The following NTNG1 variants were observed in gnomAD, a reference collection of about 807,000 sequenced individuals.
NTNG1 encodes netrin-G1.
A neutral mutation model predicts 54.0 loss-of-function variants in NTNG1; 16 were observed. The observed-to-expected ratio is 0.30, with a 90% CI of 0.20 to 0.45. The LOEUF is 0.45. Among genes scored for constraint, NTNG1 ranks in the 20% least tolerant of loss-of-function variants. The probability of loss-of-function intolerance (pLI) is 1.00; values close to 1 mark genes in which losing one functional copy is unlikely to be tolerated. For synonymous variants in NTNG1, 255 were observed against 263.1 expected (o/e 0.97, Z 0.30); for missense variants, 530 against 678.7 (o/e 0.78, Z 2.43).
At position 107,230,628 on chromosome 1, in the gene NTNG1, T is replaced by C. The variant is rs148741569; in HGVS notation, c.246+81789T>C. Among the ~76,000 whole-genome samples, 60 of 152,324 alleles carry C rather than the reference T, an allele frequency of 3.9e-4. No homozygotes were observed. The East Asian group carries it at 0.011, about 28-fold the overall frequency. ...CTTGTTTTCCTTTTGATTCTTGACC[T>C]TAGGTATGGTTTTCTATATTTAAGA... On this transcript the variant is annotated intron_variant, in intron 2 of 7. Coordinates refer to ENST00000370068, the MANE Select transcript of NTNG1 (RefSeq NM_001113226.3).
At chr1:107,295,003 C>T (rs1226919835) in intron 2 of NTNG1, among the ~76,000 whole-genome samples, 1 of 152,138 alleles carries the variant, frequency 6.6e-6, no homozygotes, top group Admixed American at 6.6e-5. Flanking sequence ...TTTTTACTTG[C>T]CCTTTTGCAA....
At chr1:107,170,783 A>G (rs536866856) in intron 2 of NTNG1, among the ~76,000 whole-genome samples, 1 of 152,292 alleles carries the variant, frequency 6.6e-6, no homozygotes, top group African/African-American at 2.4e-5. Flanking sequence ...ACACATTATA[A>G]TTTATTAAGT....
intron 3 of NTNG1, among the ~76,000 whole-genome samples, chr1:107,326,307 T>A (rs1667950118): frequency 6.6e-6 from 1 of 152,134 alleles, no homozygotes; most frequent in African/African-American, 2.4e-5. Flanking sequence ...AATATATCTT[T>A]AAAGCAGTAT....
Position 107,240,280 on chromosome 1 carries a change from T to A in NTNG1, c.247-84002T>A, listed in dbSNP as rs1184014346. Among the ~76,000 whole-genome samples the A allele has an allele frequency of 9.6e-3, 1,455 of 151,506 alleles. 25 individuals carry two copies. The highest frequency in any genetic ancestry group is 0.032 in the African/African-American group (1,334 of 41,312). On this transcript the variant is annotated intron_variant, in intron 2 of 7. Coordinates refer to ENST00000370068, the MANE Select transcript of NTNG1 (RefSeq NM_001113226.3). Reference sequence around the variant, plus strand: ...CTTTTGAGTGGAATATCCTTATTTTTTTTTTTTTTTTTTTACACATTACGA... The same window carrying A: ...CTTTTGAGTGGAATATCCTTATTTTATTTTTTTTTTTTTTACACATTACGA...
At chr1:107,234,233 C>G (rs7555245) in intron 2 of NTNG1, among the ~76,000 whole-genome samples, 2,551 of 152,230 alleles carry the variant, frequency 0.017, 68 homozygotes, top group African/African-American at 0.057. Flanking sequence ...AGCGATTTTC[C>G]TGCCTCAGTC....
In NTNG1 at chr1:107,480,727, G is replaced by C. The variant is rs369549766; in HGVS notation, c.1507G>C (p.Glu503Gln). 28 of 1,610,302 alleles carry C rather than the reference G, an allele frequency of 1.7e-5. No homozygotes were observed. In the East Asian group the frequency reaches 5.8e-4, roughly 33 times the overall value. The change falls in exon 8 of 8, where the codon GAG becomes CAG. Residue 503 changes from glutamate to glutamine, a missense_variant. Around this residue, in one of 2 missense-constraint regions of NTNG1, gnomAD observed 212 missense variants for 213.6 expected, o/e 0.99. Coordinates refer to ENST00000370068, the MANE Select transcript of NTNG1 (RefSeq NM_001113226.3). ...CATCCTCTGCGAGAAGCTGCGGTGCGAGGAGGCTGGCAGCTGCGGCTCCGA... is the reference window on the plus strand; with the variant it reads ...CATCCTCTGCGAGAAGCTGCGGTGCCAGGAGGCTGGCAGCTGCGGCTCCGA... ...TGILCEKLRC[E>Q]EAGSCGSDSG...
intron 2 of NTNG1, among the ~76,000 whole-genome samples, chr1:107,205,933 T>C (rs1659157451): frequency 6.6e-6 from 1 of 152,204 alleles, no homozygotes; most frequent in Admixed American, 6.6e-5. Flanking sequence ...ATCTGACTTG[T>C]TGGGTTTAAT....
intron 2 of NTNG1, among the ~76,000 whole-genome samples, chr1:107,248,029 C>A (rs1038816434): frequency 6.6e-6 from 1 of 152,180 alleles, no homozygotes; most frequent in Admixed American, 6.5e-5. Flanking sequence ...GATCCCTTGC[C>A]ACGGTAGTAG....
At chr1:107,244,301 TA>T (rs1557839183) in intron 2 of NTNG1, among the ~76,000 whole-genome samples, 2 of 152,248 alleles carry the variant, frequency 1.3e-5, no homozygotes. Flanking sequence ...ATTTTTCTCT[TA>T]TGCTGCCTGT....
intron 7 of NTNG1, chr1:107,455,655 G>A (rs1015034592): frequency 1.0e-5 from 5 of 484,496 alleles, no homozygotes; most frequent in Admixed American, 6.3e-5. Flanking sequence ...CTGTTGCACT[G>A]CAGCCATTTC....
intron 3 of NTNG1, among the ~76,000 whole-genome samples, chr1:107,385,635 C>T (rs961681208): frequency 1.3e-5 from 2 of 151,834 alleles, no homozygotes; most frequent in African/African-American, 2.4e-5. Context: ...CAGTCTTGGC[C>T]TCATTGTGTC....
intron 7 of NTNG1, among the ~76,000 whole-genome samples, chr1:107,457,529 A>G (rs933625793): frequency 3.9e-5 from 6 of 152,208 alleles, no homozygotes; most frequent in Non-Finnish European, 8.8e-5. Flanking sequence ...TAAAACATAT[A>G]TGTGTCTATC....
intron 2 of NTNG1, among the ~76,000 whole-genome samples, chr1:107,198,434 A>G (rs1321087771): frequency 6.6e-6 from 1 of 151,984 alleles, no homozygotes; most frequent in East Asian, 1.9e-4. Flanking sequence ...TAAAAACTGT[A>G]TCCTTATCTC....
In NTNG1 at chr1:107,159,550, G is replaced by A. The variant is rs372712264; in HGVS notation, c.246+10711G>A. 1.6e-3 allele frequency among the ~76,000 whole-genome samples: 247 copies of A among 152,194 alleles called. 2 individuals are homozygous for A. The highest frequency in any genetic ancestry group is 5.6e-3 in the African/African-American group (232 of 41,522). On this transcript the variant is annotated intron_variant, in intron 2 of 7. Transcript: ENST00000370068. ...ACTCACCAGAGTAATTGGAGCCTGA[G>A]GTTAAATAATTATTCTAAGTAAGTA...
intron 2 of NTNG1, among the ~76,000 whole-genome samples, chr1:107,201,867 T>C (rs899912263): frequency 2.6e-5 from 4 of 151,928 alleles, no homozygotes; most frequent in Non-Finnish European, 5.9e-5. Flanking sequence ...CAGTTCATTC[T>C]TTAAGGAAGA....
chr1:107,430,029 G>A (rs772534102), intron 5 of NTNG1, among the ~76,000 whole-genome samples: 1 of 152,082 alleles, frequency 6.6e-6, no homozygotes, highest in Non-Finnish European at 1.5e-5. Context: ...TTCTTTTGTA[G>A]CAAACTATTC....
chr1:107,389,007 A>AT lies in NTNG1; in HGVS notation c.888-6143dup, dbSNP rs147486768. ...GAGGCGCAAGCAGAGGATGATCCACATTTTGGAATGCCTAAAACTTACTTC... is the reference window on the plus strand; with the variant it reads ...GAGGCGCAAGCAGAGGATGATCCACATTTTTGGAATGCCTAAAACTTACTTC... On this transcript the variant is annotated intron_variant, in intron 3 of 7. Transcript: ENST00000370068. Among the ~76,000 whole-genome samples, 541 of 152,356 alleles carry AT rather than the reference A, an allele frequency of 3.6e-3. 5 individuals carry two copies. Among genetic ancestry groups the AT allele is most frequent in the African/African-American group, 0.012 (496 of 41,596 alleles).
At chr1:107,143,833 G>C (rs1313580910) in intron 1 of NTNG1, among the ~76,000 whole-genome samples, 1 of 152,036 alleles carries the variant, frequency 6.6e-6, no homozygotes, top group Non-Finnish European at 1.5e-5. Context: ...TTCTGAAATA[G>C]TTTTGGGTAT....
intron 5 of NTNG1, among the ~76,000 whole-genome samples, chr1:107,417,904 A>T (rs1674324749): frequency 6.6e-6 from 1 of 152,038 alleles, no homozygotes; most frequent in African/African-American, 2.4e-5. Context: ...TAATGCTTTT[A>T]TTTATTTCTG....
Sources: allele counts gnomAD v4.1 joint callset (sites outside exome capture counted in the v4.1 genomes callset), GRCh38; gene constraint gnomAD v4.1.1; regional missense constraint gnomAD v4.1.1; transcripts MANE v1.5; gene names NCBI Gene and HGNC (gene_info 2026-07-23, HGNC 2026-07-21).